The following ZFP62 variants were observed in gnomAD, a reference collection of about 807,000 sequenced individuals.
ZFP62 encodes the protein zinc finger protein 62 homolog.
Under a neutral mutation model 56.4 loss-of-function variants are expected in ZFP62, and 44 were observed. The observed-to-expected ratio is 0.78, with a 90% CI of 0.61 to 1.00. The LOEUF (loss-of-function observed/expected upper bound fraction) is 1.00. Ranked by LOEUF, ZFP62 falls within the 50% of genes least tolerant of loss-of-function variation. The pLI is 0.00. For synonymous variants in ZFP62, 421 were observed against 388.9 expected, an observed-to-expected ratio of 1.08 and a Z score of -0.97; for missense variants, 1,030 against 1,085.7, an observed-to-expected ratio of 0.95 and a Z score of 0.72.
At chr5:180,851,956 G>A (rs1203815203) in intron 1 of ZFP62, 2 of 922,360 alleles carry the variant, frequency 2.2e-6, no homozygotes, top group East Asian at 1.2e-4. Flanking sequence ...ATCAGCAGAG[G>A]ACAGACAAAA....
At chr5:180,844,897 C>T (rs113525597), downstream of ZFP62, among the ~76,000 whole-genome samples, 15,910 of 152,174 alleles carry the variant, frequency 0.1, 2,091 homozygotes, top group African/African-American at 0.31. Context: ...GACAGGGCCA[C>T]CACACTTCAG....
chr5:180,828,793 T>C, the ZFP62 span, among the ~76,000 whole-genome samples: 2 of 152,184 alleles, frequency 1.3e-5, no homozygotes, highest in East Asian at 3.9e-4. Flanking sequence ...AAAAGAGCCA[T>C]ATTTTTCTTC....
chr5:180,833,662 A>G, the ZFP62 span, among the ~76,000 whole-genome samples: 2 of 148,486 alleles, frequency 1.3e-5, no homozygotes, highest in Non-Finnish European at 3.0e-5. Context: ...CCACCACTCT[A>G]TGACACGGTA....
chr5:180,847,547 T>C (rs1287689397), downstream of ZFP62: 1 of 975,506 alleles, frequency 1.0e-6, no homozygotes, highest in Non-Finnish European at 1.2e-6. Flanking sequence ...CTGGTATAAC[T>C]TACCCAACAA....
chr5:180,849,605 C>T lies in ZFP62; in HGVS notation c.1890G>A (p.Ser630=), dbSNP rs997172. The T allele has an allele frequency of 7.6e-4, 1,174 of 1,551,460 alleles. 16 individuals carry two copies. The African/African-American group carries it at 0.013, about 17-fold the overall frequency. Reference sequence around the variant, plus strand: ...GGACCCTTCTGTGCTGAGAAAGGAGCGATGTGTAATTAAAAGATTTCTCAC... The same window carrying T: ...GGACCCTTCTGTGCTGAGAAAGGAGTGATGTGTAATTAAAAGATTTCTCAC... ...DVCEKSFNYT[S]LLSQHRRVHT... The change falls in exon 2 of 2, where the codon TCG becomes TCA. Residue 630 remains serine, a synonymous_variant. Transcript: ENST00000502412.
the ZFP62 span, among the ~76,000 whole-genome samples, chr5:180,842,286 G>A: frequency 1.3e-5 from 2 of 151,960 alleles, no homozygotes; most frequent in African/African-American, 4.8e-5. Context: ...AGAAGGAAAT[G>A]AAAAAAGAAT....
At chr5:180,832,617 C>A in the ZFP62 span, 4 of 152,198 alleles carry the variant, frequency 2.6e-5, no homozygotes, top group South Asian at 2.1e-4. Context: ...GTTTTAAATT[C>A]TAAGACAGTG....
At chr5:180,852,045 T>C in intron 1 of ZFP62, 1 of 985,346 alleles carries the variant, frequency 1.0e-6, no homozygotes, top group South Asian at 4.7e-5. Flanking sequence ...ACTGCAGAGA[T>C]GAGGAAGAAG....
downstream of ZFP62, chr5:180,845,554 C>G (rs1773395018): frequency 3.7e-6 from 1 of 268,296 alleles, no homozygotes; most frequent in Non-Finnish European, 5.7e-6. Flanking sequence ...ACCGCCAGGT[C>G]TAAATGAGAA....
chr5:180,829,731 A>T, the ZFP62 span, among the ~76,000 whole-genome samples: 1 of 152,208 alleles, frequency 6.6e-6, no homozygotes, highest in African/African-American at 2.4e-5. Flanking sequence ...GAAGCTCATC[A>T]GTGACGTGAC....
intron 1 of ZFP62, chr5:180,852,103 G>A (rs1773742383): frequency 1.2e-6 from 1 of 850,228 alleles, no homozygotes; most frequent in South Asian, 5.4e-5. Flanking sequence ...AATTAAAATA[G>A]TATGGTCCTG....
chr5:180,849,590 G>A lies in ZFP62; in HGVS notation c.1905C>T (p.His635=), dbSNP rs745629859. 4.5e-6 allele frequency: 7 copies of A among 1,551,836 alleles called. No homozygotes were observed. The Admixed American group carries it at 9.8e-5, about 22-fold the overall frequency. The change falls in exon 2 of 2, where the codon CAC becomes CAT. Residue 635 remains histidine, a synonymous_variant. Coordinates refer to ENST00000502412, the MANE Select transcript of ZFP62 (RefSeq NM_001172638.2). The stretch of plus-strand genomic sequence containing the variant: ...GTTTCTCTCTAGTGTGGACCCTTCT[G>A]TGCTGAGAAAGGAGCGATGTGTAAT... ...SFNYTSLLSQ[H]RRVHTREKPY...
intron 1 of ZFP62, 50 bp from the exon 2 acceptor site, chr5:180,851,543 C>T (rs777379282): frequency 4.2e-6 from 6 of 1,431,492 alleles, no homozygotes; most frequent in East Asian, 5.0e-5. Flanking sequence ...TAAAAAAAAA[C>T]AAAAACAAAC....
the ZFP62 span, among the ~76,000 whole-genome samples, chr5:180,836,371 CGGTGGCTCCCAGCAATCCCT>C: frequency 6.6e-6 from 1 of 152,174 alleles, no homozygotes; most frequent in Admixed American, 6.5e-5. Context: ...TTTCAGCTTC[CGGTGGCTCCCAGCAATCCCT>C]GACATTCTTT....
chr5:180,840,154 T>C, the ZFP62 span, among the ~76,000 whole-genome samples: 1 of 152,236 alleles, frequency 6.6e-6, no homozygotes, highest in Non-Finnish European at 1.5e-5. Flanking sequence ...GAAGATGTTC[T>C]AGCCATGGTG....
At chr5:180,828,158 CTT>C in the ZFP62 span, among the ~76,000 whole-genome samples, 5 of 152,176 alleles carry the variant, frequency 3.3e-5, no homozygotes, top group Non-Finnish European at 7.3e-5. Flanking sequence ...GTCTCTGTGT[CTT>C]TTTCTTTTCC....
intron 1 of ZFP62, among the ~76,000 whole-genome samples, chr5:180,855,276 A>G (rs552106477): frequency 6.6e-6 from 1 of 152,290 alleles, no homozygotes; most frequent in African/African-American, 2.4e-5. Flanking sequence ...CCAAACAAAA[A>G]GTTTTTAAAG....
the ZFP62 span, chr5:180,832,739 C>T: frequency 1.3e-5 from 2 of 152,162 alleles, no homozygotes; most frequent in Non-Finnish European, 2.9e-5. Flanking sequence ...AAAATGTTAC[C>T]TCCAGACACA....
At chr5:180,852,731 G>A (rs1343124983) in intron 1 of ZFP62, among the ~76,000 whole-genome samples, 2 of 152,156 alleles carry the variant, frequency 1.3e-5, no homozygotes, top group South Asian at 2.1e-4. Context: ...TGACTCATAT[G>A]CAACAAAAGA....
Sources: gnomAD v4.1 joint callset for allele counts (sites outside exome capture counted in the v4.1 genomes callset) on GRCh38, gnomAD v4.1.1 for gene constraint, MANE v1.5 for transcripts, NCBI Gene and HGNC (gene_info 2026-07-23, HGNC 2026-07-21) for gene names.